PLBD2: variants seen among roughly 807,000 people sequenced by gnomAD.
The protein encoded by PLBD2 is putative aminopeptidase PLBD2.
PLBD2 carries 51 observed loss-of-function variants against 68.3 expected under a neutral mutation model. That is an observed-to-expected ratio of 0.75 (90% CI 0.60 to 0.94). The LOEUF is 0.94. Ranked by LOEUF, PLBD2 falls within the 40% of genes least tolerant of loss-of-function variation. The probability of loss-of-function intolerance (pLI) is 0.00; values close to 1 mark genes in which losing one functional copy is unlikely to be tolerated. For missense variants in PLBD2, 729 were observed against 792.2 expected (o/e 0.92, Z 0.96); for synonymous variants, 314 against 339.3 (o/e 0.93, Z 0.82).
Position 113,372,582 on chromosome 12 carries a change from G to C in PLBD2, c.385-67G>C, listed in dbSNP as rs543881828. The C allele has an allele frequency of 6.5e-7, 1 of 1,539,980 alleles. No individual in the cohort carries two copies. The highest frequency in any genetic ancestry group is 8.9e-7 in the Non-Finnish European group (1 of 1,129,756). On this transcript the variant is annotated intron_variant, in intron 2 of 11. Transcript: ENST00000280800. The surrounding 1 kb of genome is among the most constrained non-coding windows in gnomAD (Gnocchi z 4.2). ...GCCTCCGCTCTGGGGCAGCCTGGGT[G>C]GGGGGCTCTCAGGGAAGAGAGCACC...
rs200947644 is a variant in PLBD2 at position 113,374,614 on chromosome 12, G to C, written c.644+40G>C. 9.2e-6 allele frequency: 14 copies of C among 1,526,422 alleles called. No individual in the cohort carries two copies. In the Admixed American group the frequency reaches 1.5e-4, roughly 17 times the overall value. The allele number at this position is 1,526,422 out of a possible 1,614,324, so 94.6% of individuals were successfully genotyped here. On this transcript the variant is annotated intron_variant, in intron 4 of 11. Transcript: ENST00000280800. ...CAGAGTGAACAGGGTGGGAAGAAGG[G>C]CCACACACTCATAGTCGGACAGACC...
intron 9 of PLBD2, among the ~76,000 whole-genome samples, chr12:113,385,730 G>A (rs1418725011): frequency 2.6e-5 from 4 of 152,194 alleles, no homozygotes; most frequent in South Asian, 4.1e-4. Context: ...CCCTGTTGGC[G>A]AATGGTGAAG....
At chr12:113,382,961 T>G (rs190559909) in intron 6 of PLBD2, among the ~76,000 whole-genome samples, 1 of 150,776 alleles carries the variant, frequency 6.6e-6, no homozygotes, top group East Asian at 2.0e-4. Flanking sequence ...AACCTTCGCT[T>G]CCAGGGTTCA....
At chr12:113,360,718 C>T (rs146115117) in intron 1 of PLBD2, among the ~76,000 whole-genome samples, 187 of 152,292 alleles carry the variant, frequency 1.2e-3, no homozygotes, top group African/African-American at 4.2e-3. Context: ...TGCAGGGGCA[C>T]GATATTGGCT....
chr12:113,385,310 G>A lies in PLBD2; in HGVS notation c.1286+27G>A, dbSNP rs150134175. The stretch of plus-strand genomic sequence containing the variant: ...TGCGTGCCTTCTCACTCCGCTCCCC[G>A]TCACCCTCCAGGGCATCCACCTCAC... On this transcript the variant is annotated intron_variant, in intron 9 of 11. Coordinates refer to ENST00000280800, the MANE Select transcript of PLBD2 (RefSeq NM_173542.4). 461 of 1,606,408 alleles carry A rather than the reference G, an allele frequency of 2.9e-4. No individual in the cohort carries two copies. In the African/African-American group the frequency reaches 5.3e-3, roughly 18 times the overall value.
chr12:113,365,229 C>A (rs140756760), intron 1 of PLBD2, among the ~76,000 whole-genome samples: 1,557 of 152,234 alleles, frequency 0.01, 13 homozygotes, highest in South Asian at 0.036. Flanking sequence ...TGACCTTGGG[C>A]AAATCACTTC....
chr12:113,360,002 C>T (rs1957276085), intron 1 of PLBD2, among the ~76,000 whole-genome samples: 1 of 152,152 alleles, frequency 6.6e-6, no homozygotes, highest in Non-Finnish European at 1.5e-5. Flanking sequence ...CACACTGCCC[C>T]CTGCAGCAGA....
chr12:113,388,364 T>C, intron 11 of PLBD2, 95 bp from the exon 12 acceptor site: 4 of 1,232,940 alleles, frequency 3.2e-6, no homozygotes, highest in South Asian at 3.1e-5. Flanking sequence ...CAGTTCAGAA[T>C]TGGGCTCTGG....
At position 113,391,147 on chromosome 12, in the gene PLBD2, C is replaced by G. The variant is rs1433612108; in HGVS notation, c.*2521C>G. 1 of 150,318 alleles carries G rather than the reference C, an allele frequency of 6.7e-6. No individual in the cohort carries two copies. Among genetic ancestry groups the G allele is most frequent in the Non-Finnish European group, 1.5e-5 (1 of 67,470 alleles). The allele number at this position is 150,318 out of a possible 1,614,324, so 9.3% of individuals were successfully genotyped here. ...CCATATTGTGGTATACAGACAGATACAAAAAAAAAGGCTCTCTCCCTGTCT... is the reference window on the plus strand; with the variant it reads ...CCATATTGTGGTATACAGACAGATAGAAAAAAAAAGGCTCTCTCCCTGTCT... On this transcript the variant is annotated 3_prime_UTR_variant, in exon 12 of 12. Coordinates refer to ENST00000280800, the MANE Select transcript of PLBD2 (RefSeq NM_173542.4).
intron 9 of PLBD2, 86 bp from the exon 10 acceptor site, chr12:113,386,851 G>A (rs1167583719): frequency 3.3e-6 from 5 of 1,500,918 alleles, no homozygotes; most frequent in African/African-American, 2.8e-5. Context: ...TAATGTCCTG[G>A]TGTGACTGCC....
chr12:113,359,288 G>A, intron 1 of PLBD2: 1 of 181,070 alleles, frequency 5.5e-6, no homozygotes. Flanking sequence ...CTGTCCCCAG[G>A]CCTGAGGGGT....
chr12:113,378,283 C>T (rs1957451642), intron 5 of PLBD2, among the ~76,000 whole-genome samples: 1 of 149,968 alleles, frequency 6.7e-6, no homozygotes, highest in Non-Finnish European at 1.5e-5. Flanking sequence ...CAGAGTCGGC[C>T]TCTGTCTCAA....
chr12:113,380,867 C>G (rs1159010053), intron 6 of PLBD2, 25 bp downstream of exon 6: 2 of 1,542,072 alleles, frequency 1.3e-6, no homozygotes, highest in Non-Finnish European at 1.8e-6. Context: ...CATGTCTCCT[C>G]TGTTCCTGGG....
At chr12:113,385,421 CCAGA>C (rs1957542040) in intron 9 of PLBD2, 138 bp downstream of exon 9, 1 of 795,032 alleles carries the variant, frequency 1.3e-6, no homozygotes, top group Non-Finnish European at 2.0e-6. Context: ...CCAGGAGAGC[CCAGA>C]CAGTTTGGCA....
In PLBD2 at chr12:113,372,929, A is replaced by G. The variant is rs1957402313; in HGVS notation, c.543+122A>G. The G allele has an allele frequency of 8.6e-7, 1 of 1,157,360 alleles. No homozygotes were observed. Among genetic ancestry groups the G allele is most frequent in the African/African-American group, 1.5e-5 (1 of 65,086 alleles). 71.7% of individuals were successfully genotyped at this position (1,157,360 alleles called of 1,614,324 possible). A position where few individuals can be genotyped will look rare whatever the true frequency, so the allele number is the denominator to read the frequency against. ...CCCAGCCGCCTCTGTTTCCATCATC[A>G]TCTCCATCCCTCCTAGCCGACCTGC... On this transcript the variant is annotated intron_variant, in intron 3 of 11. Transcript: ENST00000280800. The surrounding 1 kb of genome is among the most constrained non-coding windows in gnomAD (Gnocchi z 4.2).
At position 113,372,102 on chromosome 12, in the gene PLBD2, T is replaced by A. The variant is rs1238256440; in HGVS notation, c.385-547T>A. On this transcript the variant is annotated intron_variant, in intron 2 of 11. Coordinates refer to ENST00000280800, the MANE Select transcript of PLBD2 (RefSeq NM_173542.4). The surrounding 1 kb of genome is among the most constrained non-coding windows in gnomAD (Gnocchi z 4.2). Reference sequence around the variant, plus strand: ...GGAGCAGCAGTCATGAAGCCATCAATCCTGAGGCAGTGAGTGCTGCCACTC... The same window carrying A: ...GGAGCAGCAGTCATGAAGCCATCAAACCTGAGGCAGTGAGTGCTGCCACTC... Among the ~76,000 whole-genome samples the A allele has an allele frequency of 6.6e-6, 1 of 151,946 alleles. No individual in the cohort carries two copies. The highest frequency in any genetic ancestry group is 6.6e-5 in the Admixed American group (1 of 15,232).
At chr12:113,363,026 C>T (rs184212567) in intron 1 of PLBD2, among the ~76,000 whole-genome samples, 198 of 151,406 alleles carry the variant, frequency 1.3e-3, no homozygotes, top group African/African-American at 4.7e-3. Context: ...GAACTCCTGA[C>T]GTCAGGTGAT....
chr12:113,371,588 A>G (rs572685597), intron 2 of PLBD2, among the ~76,000 whole-genome samples: 1 of 152,340 alleles, frequency 6.6e-6, no homozygotes, highest in East Asian at 1.9e-4. Flanking sequence ...TCAGTCTCTC[A>G]AGGGGCTCAC....
Position 113,389,084 on chromosome 12 carries a change from G to A in PLBD2, c.*458G>A, listed in dbSNP as rs113264739. On this transcript the variant is annotated 3_prime_UTR_variant, in exon 12 of 12. Transcript: ENST00000280800. ...TGAGCTTTGTCTGGGCGTTGTCTTCGGCTGGCATTGCTCCTCCCAGCTCTG... is the reference window on the plus strand; with the variant it reads ...TGAGCTTTGTCTGGGCGTTGTCTTCAGCTGGCATTGCTCCTCCCAGCTCTG... 1,234 of 153,536 alleles carry A rather than the reference G, an allele frequency of 8.0e-3. 17 individuals are homozygous for A. The highest frequency in any genetic ancestry group is 0.028 in the African/African-American group (1,170 of 41,588). The allele number at this position is 153,536 out of a possible 1,614,324, so 9.5% of individuals were successfully genotyped here.
Sources: gnomAD v4.1 joint callset for allele counts (sites outside exome capture counted in the v4.1 genomes callset) on GRCh38, gnomAD v4.1.1 for gene constraint, Gnocchi (gnomAD v3.1) non-coding constraint, MANE v1.5 for transcripts, NCBI Gene and HGNC (gene_info 2026-07-23, HGNC 2026-07-21) for gene names.